Variants in CACNA1C observed in about 807,000 individuals in gnomAD.
CACNA1C encodes the protein voltage-dependent L-type calcium channel subunit alpha-1C.
Under a neutral mutation model 229.0 loss-of-function variants are expected in CACNA1C, and 30 were observed. That is an observed-to-expected ratio of 0.13 (90% CI 0.10 to 0.18). The LOEUF is 0.18. Ranked by LOEUF, CACNA1C falls within the 10% of genes least tolerant of loss-of-function variation. CACNA1C has a pLI of 1.00. For synonymous variants in CACNA1C, 1,114 were observed against 1,132.5 expected (o/e 0.98, Z 0.33); for missense variants, 1,658 against 2,845.0 (o/e 0.58, Z 9.49).
In CACNA1C at chr12:2,348,452, C is replaced by T. The variant is rs1007706683; in HGVS notation, c.478-100524C>T. Among the ~76,000 whole-genome samples the T allele has an allele frequency of 1.3e-5, 2 of 152,218 alleles. No individual in the cohort carries two copies. Among genetic ancestry groups the T allele is most frequent in the Non-Finnish European group, 2.9e-5 (2 of 68,042 alleles). ...TGGCATATGTAAGAACCCCCTTTCC[C>T]GTTGGCGTGTATGGTGTCTTCTCGC... is the stretch of plus-strand genomic sequence containing the variant. On this transcript the variant is annotated intron_variant, in intron 3 of 46. Transcript: ENST00000399655. The surrounding 1 kb of genome is among the most constrained non-coding windows in gnomAD (Gnocchi z 4.7).
chr12:2,610,239 C>T (rs1231852199), intron 27 of CACNA1C, among the ~76,000 whole-genome samples: 1 of 152,176 alleles, frequency 6.6e-6, no homozygotes, highest in Non-Finnish European at 1.5e-5. Context: ...CCTGCCGAGG[C>T]ACATGCCAGG....
intron 3 of CACNA1C, among the ~76,000 whole-genome samples, chr12:2,255,471 G>T (rs1307831560): frequency 6.6e-6 from 1 of 152,192 alleles, no homozygotes; most frequent in Non-Finnish European, 1.5e-5. Context: ...GAACTGCCAG[G>T]AGGTGGTGGC....
intron 5 of CACNA1C, among the ~76,000 whole-genome samples, chr12:2,469,013 T>A (rs1208390613): frequency 6.6e-6 from 1 of 152,248 alleles, no homozygotes; most frequent in Admixed American, 6.5e-5. Context: ...AGTTTTGTTT[T>A]GTTTTGTTTT....
At chr12:2,579,264 T>C (rs904491744) in intron 13 of CACNA1C, among the ~76,000 whole-genome samples, 2 of 152,186 alleles carry the variant, frequency 1.3e-5, no homozygotes, top group African/African-American at 4.8e-5. Context: ...TCCATGACCA[T>C]TAAGGCTTTT....
chr12:2,421,481 C>G (rs1207403873), intron 3 of CACNA1C, among the ~76,000 whole-genome samples: 1 of 152,154 alleles, frequency 6.6e-6, no homozygotes, highest in Admixed American at 6.5e-5. Flanking sequence ...AGAGGAACAT[C>G]CCAGATTGGA....
chr12:2,426,988 G>C (rs535018604), intron 3 of CACNA1C, among the ~76,000 whole-genome samples: 1 of 152,244 alleles, frequency 6.6e-6, no homozygotes, highest in Admixed American at 6.5e-5. Flanking sequence ...AGATTGAAGA[G>C]ATGAGGAAAT....
chr12:2,234,867 T>C (rs2066715150), intron 3 of CACNA1C, among the ~76,000 whole-genome samples: 1 of 151,952 alleles, frequency 6.6e-6, no homozygotes, highest in Admixed American at 6.6e-5. Flanking sequence ...GGAGCTTTGG[T>C]TCAGACAAAA....
chr12:2,127,868 C>T (rs1047508864), intron 3 of CACNA1C, among the ~76,000 whole-genome samples: 5 of 152,172 alleles, frequency 3.3e-5, no homozygotes, highest in African/African-American at 1.2e-4. Flanking sequence ...AGTAGTAATG[C>T]TTGCTTAGTC....
chr12:2,450,365 TAAC>T (rs1484085419), intron 4 of CACNA1C, among the ~76,000 whole-genome samples: 1 of 151,406 alleles, frequency 6.6e-6, no homozygotes, highest in Non-Finnish European at 1.5e-5. Context: ...CCATCCTGGC[TAAC>T]ACGGTGAAAC....
chr12:2,617,003 GGCA>G lies in CACNA1C; in HGVS notation c.3828+4995_3828+4997del, dbSNP rs1266798854. 2.0e-5 allele frequency among the ~76,000 whole-genome samples: 3 copies of G among 152,350 alleles called. No homozygotes were observed. The East Asian group carries it at 5.8e-4, about 29-fold the overall frequency. On this transcript the variant is annotated intron_variant, in intron 29 of 46. Coordinates refer to ENST00000399655, the MANE Select transcript of CACNA1C (RefSeq NM_000719.7). ...TTTTCAGAGGATCAGCTAAGAATGG[GGCA>G]GCAGTTCAGTTGCCACAGTCTTGTC...
intron 4 of CACNA1C, among the ~76,000 whole-genome samples, chr12:2,451,425 T>C (rs1011380742): frequency 6.6e-6 from 1 of 152,220 alleles, no homozygotes; most frequent in Non-Finnish European, 1.5e-5. Flanking sequence ...TGAGGGTGAC[T>C]TGCAGGGACG....
chr12:2,606,852 C>A, intron 25 of CACNA1C, 132 bp from the exon 26 acceptor site: 1 of 1,113,732 alleles, frequency 9.0e-7, no homozygotes, highest in South Asian at 1.5e-5. Context: ...CCCACTGAAG[C>A]TCCTCCCATG....
Position 2,566,561 on chromosome 12 carries a change from A to G in CACNA1C, c.1648A>G (p.Asn550Asp). Residue 550 changes from asparagine to aspartate, a missense_variant, in exon 12 of 47, where the codon AAC becomes GAC. By Grantham distance (23) the Asn-to-Asp change is conservative. Coordinates refer to ENST00000399655, the MANE Select transcript of CACNA1C (RefSeq NM_000719.7). This position sits in a 1 kb window ranked among gnomAD's most constrained non-coding sequence, Gnocchi z 4.0. ...TGCCTCTGAGCACTACAACCAGCCC[A>G]ACTGGCTCACAGAAGTCCAAGGTGA... ...TIASEHYNQP[N>D]WLTEVQDTAN... 2.5e-6 allele frequency: 4 copies of G among 1,599,072 alleles called. No individual in the cohort carries two copies. The highest frequency in any genetic ancestry group is 3.4e-6 in the Non-Finnish European group (4 of 1,173,054).
intron 3 of CACNA1C, among the ~76,000 whole-genome samples, chr12:2,184,251 G>A (rs1250153063): frequency 1.3e-5 from 2 of 152,212 alleles, no homozygotes; most frequent in Non-Finnish European, 2.9e-5. Flanking sequence ...TGTGTCTTCT[G>A]AAGCCACGAG....
chr12:2,598,758 T>C (rs1390502703), intron 21 of CACNA1C, among the ~76,000 whole-genome samples: 1 of 152,174 alleles, frequency 6.6e-6, no homozygotes, highest in Non-Finnish European at 1.5e-5. Context: ...AGATACAAAT[T>C]GAATGGGGCA....
At chr12:2,599,510 CA>C (rs965743854) in intron 21 of CACNA1C, among the ~76,000 whole-genome samples, 1 of 151,934 alleles carries the variant, frequency 6.6e-6, no homozygotes, top group African/African-American at 2.4e-5. Flanking sequence ...GTAGAAATCA[CA>C]AAAAAAGACA....
chr12:2,157,773 T>C (rs376943134), intron 3 of CACNA1C, among the ~76,000 whole-genome samples: 1 of 151,964 alleles, frequency 6.6e-6, no homozygotes, highest in Non-Finnish European at 1.5e-5. Context: ...GCCTTGAAAA[T>C]AGAAACCAAA....
In CACNA1C at chr12:2,688,632, C is replaced by T; in HGVS notation, c.5970C>T (p.Ile1990=). The T allele has an allele frequency of 6.2e-7, 1 of 1,613,962 alleles. No individual in the cohort carries two copies. The highest frequency in any genetic ancestry group is 1.1e-5 in the South Asian group (1 of 91,088). Residue 1990 remains isoleucine, a synonymous_variant, in exon 46 of 47, where the codon ATC becomes ATT. Coordinates refer to ENST00000399655, the MANE Select transcript of CACNA1C (RefSeq NM_000719.7). ...SEKLNSSFPS[I]HCGSWAETTP... Reference sequence around the variant, plus strand: ...AACTCAACAGCAGCTTCCCATCCATCCACTGCGGCTCCTGGGCTGAGACCA... The same window carrying T: ...AACTCAACAGCAGCTTCCCATCCATTCACTGCGGCTCCTGGGCTGAGACCA...
intron 10 of CACNA1C, 136 bp from the exon 11 acceptor site, chr12:2,556,815 C>G: frequency 1.3e-6 from 1 of 748,702 alleles, no homozygotes; most frequent in Non-Finnish European, 2.5e-6. Flanking sequence ...CCAAGATGTT[C>G]TAGTTCACAC....
Sources: gnomAD v4.1 joint callset for allele counts (sites outside exome capture counted in the v4.1 genomes callset) on GRCh38, gnomAD v4.1.1 for gene constraint, Gnocchi (gnomAD v3.1) non-coding constraint, MANE v1.5 for transcripts, NCBI Gene and HGNC (gene_info 2026-07-23, HGNC 2026-07-21) for gene names.